Variants in TANGO2 observed in about 807,000 individuals in gnomAD.
TANGO2 encodes transport and Golgi organization protein 2 homolog.
TANGO2 carries 26 observed loss-of-function variants against 39.1 expected under a neutral mutation model. The observed-to-expected ratio is 0.67, with a 90% confidence interval of 0.49 to 0.92. TANGO2 has a LOEUF of 0.92. TANGO2 is among the 40% of genes least tolerant of loss of function. TANGO2 has a pLI of 0.00. For missense variants in TANGO2, 326 were observed against 360.1 expected (o/e 0.91, Z 0.77); for synonymous variants, 131 against 144.5 (o/e 0.91, Z 0.67).
chr22:20,039,352 G>T (rs1328592488), intron 2 of TANGO2, among the ~76,000 whole-genome samples: 5 of 151,634 alleles, frequency 3.3e-5, no homozygotes, highest in African/African-American at 1.2e-4. Context: ...TTTACAGCCG[G>T]GTGCGGTGGC....
At chr22:20,053,290 C>CTAA in intron 4 of TANGO2, 147 bp from the exon 5 acceptor site, 2 of 612,876 alleles carry the variant, frequency 3.3e-6, no homozygotes. Context: ...TGAGGTGTGG[C>CTAA]TGACTCTTGC....
In TANGO2 at chr22:20,053,427, C is replaced by T. The variant is rs2046770218; in HGVS notation, c.266-10C>T. 6.3e-7 allele frequency: 1 copy of T among 1,589,060 alleles called. No individual in the cohort carries two copies. The highest frequency in any genetic ancestry group is 8.6e-7 in the Non-Finnish European group (1 of 1,157,360). On this transcript the variant is annotated splice_polypyrimidine_tract_variant and intron_variant, in intron 4 of 8. Coordinates refer to ENST00000327374, the MANE Select transcript of TANGO2 (RefSeq NM_152906.7). ...CAGCTGTGGACACAGCATCTGTCCC[C>T]TGCCTACAGGTGAACTTGTCACCCA...
intron 1 of TANGO2, among the ~76,000 whole-genome samples, chr22:20,031,096 G>T (rs982048921): frequency 2.0e-5 from 3 of 152,116 alleles, no homozygotes; most frequent in African/African-American, 7.2e-5. Flanking sequence ...TATTTGAGAG[G>T]CTGAGGCAGG....
intron 1 of TANGO2, among the ~76,000 whole-genome samples, chr22:20,022,279 T>A (rs2039859973): frequency 6.6e-6 from 1 of 152,210 alleles, no homozygotes; most frequent in Non-Finnish European, 1.5e-5. Flanking sequence ...GGCCACTCTC[T>A]TAGGAGTGTC....
chr22:20,023,439 C>T (rs1027248123), intron 1 of TANGO2, among the ~76,000 whole-genome samples: 4 of 152,202 alleles, frequency 2.6e-5, no homozygotes, highest in African/African-American at 7.2e-5. Flanking sequence ...TGTCTGCTCA[C>T]GATGCCTCTT....
intron 3 of TANGO2, among the ~76,000 whole-genome samples, chr22:20,044,193 G>T (rs530176595): frequency 6.6e-6 from 1 of 152,164 alleles, no homozygotes. Context: ...GTGTGACCTC[G>T]TGGGCCCATG....
chr22:20,031,811 G>A (rs1200015265), intron 1 of TANGO2, among the ~76,000 whole-genome samples: 1 of 152,218 alleles, frequency 6.6e-6, no homozygotes, highest in Non-Finnish European at 1.5e-5. Context: ...AGCGTGGCTG[G>A]GCAGAGCAGA....
At position 20,057,519 on chromosome 22, in the gene TANGO2, C is replaced by G. The variant is rs889655021; in HGVS notation, c.451+1506C>G. On this transcript the variant is annotated intron_variant, in intron 6 of 8. Transcript: ENST00000327374. This position sits in a 1 kb window ranked among gnomAD's most constrained non-coding sequence, Gnocchi z 4.1. ...CTCTGTGACCCTGGTCTTCCCCTCC[C>G]TACCTTGGATACAACTGTGGGCAGC... is the stretch of plus-strand genomic sequence containing the variant. Among the ~76,000 whole-genome samples the G allele has an allele frequency of 1.3e-5, 2 of 152,234 alleles. No homozygotes were observed. Among genetic ancestry groups the G allele is most frequent in the Non-Finnish European group, 2.9e-5 (2 of 68,032 alleles).
rs114089161 is a variant in TANGO2 at position 20,039,235 on chromosome 22, C to T, written c.56+2381C>T. Among the ~76,000 whole-genome samples the T allele has an allele frequency of 9.9e-3, 1,503 of 151,712 alleles. 26 individuals carry two copies. Among genetic ancestry groups the T allele is most frequent in the African/African-American group, 0.034 (1,419 of 41,354 alleles). On this transcript the variant is annotated intron_variant, in intron 2 of 8. Transcript: ENST00000327374. Reference sequence around the variant, plus strand: ...ATGCGTGAGCCACCATGCCCGGCCTCGGCCACTGTATTTGGTAATTTGATA... The same window carrying T: ...ATGCGTGAGCCACCATGCCCGGCCTTGGCCACTGTATTTGGTAATTTGATA...
chr22:20,054,593 C>G (rs1431524332), intron 5 of TANGO2: 1 of 152,420 alleles, frequency 6.6e-6, no homozygotes, highest in Admixed American at 6.5e-5. Flanking sequence ...ACTCTCCCGG[C>G]TCCAAAGGCT....
At chr22:20,053,676 G>A (rs1353540195) in intron 5 of TANGO2, 125 bp downstream of exon 5, 1 of 707,614 alleles carries the variant, frequency 1.4e-6, no homozygotes, top group Admixed American at 2.0e-5. Context: ...TGCTCCTCGT[G>A]ACTTGGCAAA....
At chr22:20,022,892 A>G (rs2039988798) in intron 1 of TANGO2, among the ~76,000 whole-genome samples, 1 of 152,252 alleles carries the variant, frequency 6.6e-6, no homozygotes, top group Admixed American at 6.5e-5. Flanking sequence ...CATGAGAAGC[A>G]GGGCCCATCC....
chr22:20,032,750 T>A (rs528865716), intron 1 of TANGO2, among the ~76,000 whole-genome samples: 1 of 152,192 alleles, frequency 6.6e-6, no homozygotes, highest in East Asian at 1.9e-4. Context: ...GCGAGCTCTG[T>A]GTGGCACAAG....
At chr22:20,034,300 C>G (rs2042433372) in intron 1 of TANGO2, among the ~76,000 whole-genome samples, 1 of 152,228 alleles carries the variant, frequency 6.6e-6, no homozygotes, top group African/African-American at 2.4e-5. Context: ...TGTCTGTTTT[C>G]TTTCTGCCAT....
At chr22:20,052,349 G>A (rs142975793) in intron 3 of TANGO2, 116 bp from the exon 4 acceptor site, 94 of 1,447,582 alleles carry the variant, frequency 6.5e-5, no homozygotes, top group Middle Eastern at 6.2e-4. Flanking sequence ...CATGTCGAAC[G>A]TCCTCGAGGA....
Position 20,066,693 on chromosome 22 carries a change from G to A in TANGO2, c.*2031G>A, listed in dbSNP as rs1157538963. Among the ~76,000 whole-genome samples the A allele has an allele frequency of 3.9e-5, 6 of 152,130 alleles. No homozygotes were observed. Among genetic ancestry groups the A allele is most frequent in the African/African-American group, 9.7e-5 (4 of 41,428 alleles). ...CTCTGAGTCAGGACAACAGGCTCCC[G>A]GCTGGGGGCACTGCCCTTGCTGCCA... On this transcript the variant is annotated 3_prime_UTR_variant, in exon 9 of 9. Coordinates refer to ENST00000327374, the MANE Select transcript of TANGO2 (RefSeq NM_152906.7).
At chr22:20,018,575 AGACAGAACCATACACCAAAATCT>A (rs1945367776), upstream of TANGO2, among the ~76,000 whole-genome samples, 1 of 152,150 alleles carries the variant, frequency 6.6e-6, no homozygotes, top group Admixed American at 6.5e-5. Context: ...AGAGTGCAAA[AGACAGAACCATACACCAAAATCT>A]GTGCAAGTGA....
Position 20,042,721 on chromosome 22 carries a change from C to T in TANGO2, c.57-634C>T, listed in dbSNP as rs145300779. Among the ~76,000 whole-genome samples, 49 of 152,186 alleles carry T rather than the reference C, an allele frequency of 3.2e-4. 1 individual carries two copies. In the East Asian group the frequency reaches 8.3e-3, roughly 26 times the overall value. ...CGGGAGTTGCAGTGAGCCGATGTCA[C>T]GCCACTGCACTCTAGCCTGGGTGAC... On this transcript the variant is annotated intron_variant, in intron 2 of 8. Transcript: ENST00000327374.
chr22:20,050,862 A>G (rs565971759), intron 3 of TANGO2, among the ~76,000 whole-genome samples: 2 of 132,972 alleles, frequency 1.5e-5, no homozygotes, highest in African/African-American at 5.7e-5. Context: ...TTTTTTTGAG[A>G]CAGAGTTTCG....
Sources: allele counts gnomAD v4.1 joint callset (sites outside exome capture counted in the v4.1 genomes callset), GRCh38; gene constraint gnomAD v4.1.1; non-coding constraint Gnocchi (gnomAD v3.1); transcripts MANE v1.5; gene names NCBI Gene and HGNC (gene_info 2026-07-23, HGNC 2026-07-21).